Variants in CNBD1 observed in about 807,000 individuals in gnomAD.
CNBD1 encodes the protein cyclic nucleotide binding domain containing 1, also known as cyclic nucleotide-binding domain-containing protein 1.
Under a neutral mutation model 54.4 loss-of-function variants are expected in CNBD1, and 71 were observed. The ratio of observed to expected loss-of-function variants is 1.30; its 90% CI spans 1.08 to 1.59. CNBD1 has a LOEUF of 1.59. Among genes scored for constraint, CNBD1 ranks in the 40% most tolerant of loss-of-function variants. The pLI is 0.00. For missense variants in CNBD1, 659 were observed against 518.0 expected, an observed-to-expected ratio of 1.27 and a Z score of -2.64; for synonymous variants, 182 against 170.7, an observed-to-expected ratio of 1.07 and a Z score of -0.51.
At chr8:86,874,078 G>A (rs1297750376) in intron 1 of CNBD1, among the ~76,000 whole-genome samples, 4 of 152,096 alleles carry the variant, frequency 2.6e-5, no homozygotes, top group Non-Finnish European at 5.9e-5. Flanking sequence ...ATGTTTTTCT[G>A]GTCAATGTGT....
chr8:87,428,008 T>A (rs1014553848), intron 2 of CNBD1, among the ~76,000 whole-genome samples: 2 of 152,104 alleles, frequency 1.3e-5, no homozygotes, highest in Non-Finnish European at 2.9e-5. Context: ...TACTCTCTTG[T>A]CTAAGCAGAA....
chr8:86,895,604 C>T (rs528640839), intron 2 of CNBD1, among the ~76,000 whole-genome samples: 8 of 152,290 alleles, frequency 5.3e-5, no homozygotes, highest in African/African-American at 1.9e-4. Context: ...ATAACCTCAT[C>T]ATCATTTGTG....
intron 4 of CNBD1, among the ~76,000 whole-genome samples, chr8:86,956,094 T>G (rs1807760639): frequency 6.6e-6 from 1 of 152,152 alleles, no homozygotes; most frequent in African/African-American, 2.4e-5. Flanking sequence ...GGGAATCCTT[T>G]CCCCATTGCT....
chr8:86,876,973 G>A (rs1808529580), intron 1 of CNBD1, among the ~76,000 whole-genome samples: 1 of 151,890 alleles, frequency 6.6e-6, no homozygotes, highest in Non-Finnish European at 1.5e-5. Context: ...TTAATAGTTT[G>A]ATTCTATACC....
rs114766363 is a variant in CNBD1 at position 87,283,461 on chromosome 8, A to G, written c.772-1217A>G. 3.1e-3 allele frequency among the ~76,000 whole-genome samples: 475 copies of G among 152,032 alleles called. 3 individuals are homozygous for G. Among genetic ancestry groups the G allele is most frequent in the African/African-American group, 0.011 (454 of 41,480 alleles). On this transcript the variant is annotated intron_variant, in intron 6 of 10. Coordinates refer to ENST00000518476, the MANE Select transcript of CNBD1 (RefSeq NM_173538.3). ...TGGGAGTTCCTTTCTCTCTGAATTT[A>G]TACATAAGGTTAAGTTTGTATAATA...
Position 87,289,398 on chromosome 8 carries a change from G to A in CNBD1, c.1042+2727G>A, listed in dbSNP as rs374296593. 3.3e-4 allele frequency among the ~76,000 whole-genome samples: 50 copies of A among 152,060 alleles called. No individual in the cohort carries two copies. In the South Asian group the frequency reaches 4.2e-3, roughly 13 times the overall value. On this transcript the variant is annotated intron_variant, in intron 8 of 10. Coordinates refer to ENST00000518476, the MANE Select transcript of CNBD1 (RefSeq NM_173538.3). Reference sequence around the variant, plus strand: ...GGGTGTGTCCAGTTTATATCACATCGGCTAAAGTCTTCCCAGTTGTTATTC... The same window carrying A: ...GGGTGTGTCCAGTTTATATCACATCAGCTAAAGTCTTCCCAGTTGTTATTC...
intron 5 of CNBD1, among the ~76,000 whole-genome samples, chr8:87,225,857 A>G (rs1336163649): frequency 1.4e-5 from 2 of 145,060 alleles, no homozygotes; most frequent in East Asian, 1.9e-4. Context: ...TCAGCTGTGA[A>G]TCCATCTGGT....
intron 2 of CNBD1, among the ~76,000 whole-genome samples, chr8:87,395,772 T>A (rs1811397358): frequency 6.6e-6 from 1 of 151,730 alleles, no homozygotes; most frequent in Non-Finnish European, 1.5e-5. Context: ...GTTCCCCTAA[T>A]CCCCACGTAT....
intron 4 of CNBD1, among the ~76,000 whole-genome samples, chr8:86,957,015 G>A (rs188188727): frequency 6.6e-6 from 1 of 152,280 alleles, no homozygotes; most frequent in Middle Eastern, 3.4e-3. Context: ...TCAATACCTA[G>A]TTTATTGAGA....
intron 2 of CNBD1, among the ~76,000 whole-genome samples, chr8:87,396,811 C>G (rs1811415153): frequency 6.6e-6 from 1 of 150,834 alleles, no homozygotes; most frequent in South Asian, 2.1e-4. Context: ...CACCCCCTCG[C>G]TTAAAGTATT....
In CNBD1 at chr8:87,328,171, G is replaced by C. The variant is rs1484378749; in HGVS notation, c.1043-23514G>C. Among the ~76,000 whole-genome samples the C allele has an allele frequency of 2.0e-5, 3 of 151,930 alleles. No homozygotes were observed. The East Asian group carries it at 5.8e-4, about 29-fold the overall frequency. The stretch of plus-strand genomic sequence containing the variant: ...CCCCCAACAGGCCCTGGTGTGTGAT[G>C]TTCCCTCCCTGTGTCCATTGTTCGA... On this transcript the variant is annotated intron_variant, in intron 8 of 10. Transcript: ENST00000518476.
intron 6 of CNBD1, among the ~76,000 whole-genome samples, chr8:87,254,897 A>G (rs1323998617): frequency 6.6e-6 from 1 of 152,224 alleles, no homozygotes; most frequent in Non-Finnish European, 1.5e-5. Context: ...TAGCTTGCTA[A>G]ATTAAAAAGA....
At chr8:87,241,563 C>T (rs1011226639) in intron 6 of CNBD1, among the ~76,000 whole-genome samples, 5 of 152,080 alleles carry the variant, frequency 3.3e-5, no homozygotes, top group African/African-American at 1.2e-4. Context: ...TGAGCCACTG[C>T]ACCCCGCCCA....
chr8:86,892,514 C>A (rs939636940), intron 2 of CNBD1, among the ~76,000 whole-genome samples: 3 of 151,994 alleles, frequency 2.0e-5, no homozygotes, highest in African/African-American at 7.2e-5. Context: ...CTGACAAAGT[C>A]ATAGAGTACC....
intron 10 of CNBD1, among the ~76,000 whole-genome samples, chr8:87,371,492 C>T (rs1252332455): frequency 6.6e-6 from 1 of 151,926 alleles, no homozygotes; most frequent in Non-Finnish European, 1.5e-5. Context: ...TTTTATGAGG[C>T]CAGCATCATC....
intron 8 of CNBD1, among the ~76,000 whole-genome samples, chr8:87,321,781 A>G (rs1045567799): frequency 7.0e-6 from 1 of 143,156 alleles, no homozygotes; most frequent in African/African-American, 2.6e-5. Context: ...CAATGTCATC[A>G]GGCTTTTTTC....
intron 2 of CNBD1, among the ~76,000 whole-genome samples, chr8:86,900,586 T>A (rs189078087): frequency 6.6e-6 from 1 of 152,154 alleles, no homozygotes; most frequent in Non-Finnish European, 1.5e-5. Flanking sequence ...TTTACTTGCC[T>A]AATAGACTAT....
chr8:86,979,697 A>G (rs1344056215), intron 4 of CNBD1, among the ~76,000 whole-genome samples: 2 of 152,190 alleles, frequency 1.3e-5, no homozygotes, highest in Non-Finnish European at 2.9e-5. Flanking sequence ...AGTATAAAAA[A>G]CAGATTTTTA....
intron 4 of CNBD1, among the ~76,000 whole-genome samples, chr8:86,964,102 C>T (rs1808008226): frequency 1.3e-3 from 1 of 766 alleles, no homozygotes; most frequent in Non-Finnish European, 2.5e-3. Flanking sequence ...CTCTATAGTA[C>T]TCTCTGGTCG....
Sources: allele counts gnomAD v4.1 joint callset (sites outside exome capture counted in the v4.1 genomes callset), GRCh38; gene constraint gnomAD v4.1.1; transcripts MANE v1.5; gene names NCBI Gene and HGNC (gene_info 2026-07-23, HGNC 2026-07-21).